The following PROM1 variants were observed in gnomAD, a reference collection of about 807,000 sequenced individuals.
PROM1 encodes prominin 1, also known as prominin-1.
A neutral mutation model predicts 116.9 loss-of-function variants in PROM1; 105 were observed. That is an observed-to-expected ratio of 0.90 (90% CI 0.77 to 1.06). The LOEUF (loss-of-function observed/expected upper bound fraction) is 1.06. PROM1 is among the 50% of genes least tolerant of loss of function. The pLI, the probability that PROM1 is intolerant of heterozygous loss-of-function variation, is 0.00. For missense variants in PROM1, 1,122 were observed against 1,045.2 expected (o/e 1.07, Z -1.01); for synonymous variants, 393 against 387.0 (o/e 1.02, Z -0.18).
In PROM1 at chr4:16,025,123, A is replaced by T. The variant is rs919593994; in HGVS notation, c.630+69T>A. On this transcript the variant is annotated intron_variant, in intron 6 of 27. Coordinates refer to ENST00000447510, the MANE Select transcript of PROM1 (RefSeq NM_006017.3). ...TCTAGAAGGTTTGATTGAGATTCCA[A>T]ATATACACAGGAACTCCAAAAAACC... 4 of 1,518,788 alleles carry T rather than the reference A, an allele frequency of 2.6e-6. No homozygotes were observed. The East Asian group carries it at 6.8e-5, about 26-fold the overall frequency. 94.1% of individuals were successfully genotyped at this position (1,518,788 alleles called of 1,614,324 possible). A position where few individuals can be genotyped will look rare whatever the true frequency, so the allele number is the denominator to read the frequency against.
chr4:16,047,040 C>T (rs887998233), intron 2 of PROM1, among the ~76,000 whole-genome samples: 4 of 152,114 alleles, frequency 2.6e-5, no homozygotes, highest in African/African-American at 9.7e-5. Flanking sequence ...AATTGTGGGA[C>T]CTCGCAAGTC....
chr4:16,039,078 A>C (rs1734592952), intron 2 of PROM1, 77 bp from the exon 3 acceptor site: 9 of 1,209,502 alleles, frequency 7.4e-6, no homozygotes, highest in Non-Finnish European at 6.6e-6. Context: ...AAAGATCTTT[A>C]TATGCTTAAA....
intron 26 of PROM1, among the ~76,000 whole-genome samples, chr4:15,978,664 G>A (rs138046286): frequency 6.6e-6 from 1 of 152,352 alleles, no homozygotes; most frequent in Admixed American, 6.5e-5. Context: ...GGGCTCGGGG[G>A]AGCACTGGCG....
chr4:16,064,709 A>G (rs1213062271), intron 2 of PROM1, among the ~76,000 whole-genome samples: 1 of 152,206 alleles, frequency 6.6e-6, no homozygotes, highest in African/African-American at 2.4e-5. Flanking sequence ...CCTAGCCAAC[A>G]TGGTGAAACC....
At chr4:15,973,916 G>GTC (rs1560371572) in intron 26 of PROM1, among the ~76,000 whole-genome samples, 1 of 152,096 alleles carries the variant, frequency 6.6e-6, no homozygotes, top group African/African-American at 2.4e-5. Context: ...GCCGATGTGG[G>GTC]GACTGCGCAG....
intron 2 of PROM1, among the ~76,000 whole-genome samples, chr4:16,052,226 C>T (rs1738052403): frequency 1.3e-5 from 2 of 152,150 alleles, no homozygotes; most frequent in Non-Finnish European, 2.9e-5. Context: ...GAAGAAGTAC[C>T]CAGCCTTTCC....
chr4:16,018,727 C>A (rs1014682878), intron 8 of PROM1, among the ~76,000 whole-genome samples, 187 bp from the exon 9 acceptor site: 1 of 152,186 alleles, frequency 6.6e-6, no homozygotes, highest in Non-Finnish European at 1.5e-5. Flanking sequence ...GCTGCTCCAA[C>A]TAGCTCCACT....
At chr4:15,982,103 T>G (rs1213031100) in intron 23 of PROM1, among the ~76,000 whole-genome samples, 2 of 152,248 alleles carry the variant, frequency 1.3e-5, no homozygotes, top group Non-Finnish European at 1.5e-5. Context: ...CATCCTACAC[T>G]TGGCCTGCTA....
intron 26 of PROM1, among the ~76,000 whole-genome samples, chr4:15,975,716 C>T (rs1715943800): frequency 6.6e-6 from 1 of 152,204 alleles, no homozygotes; most frequent in Admixed American, 6.5e-5. Context: ...ATTTCCTAAC[C>T]TTCTGCAAAT....
chr4:16,076,159 T>C lies in PROM1; in HGVS notation c.-212-41A>G, dbSNP rs554035493. ...ACAGCAGCAGAGTCATCAATGCGTGTAAACTGCCTGCACCTGGAGCTGCCC... is the reference window on the plus strand; with the variant it reads ...ACAGCAGCAGAGTCATCAATGCGTGCAAACTGCCTGCACCTGGAGCTGCCC... On this transcript the variant is annotated intron_variant, in intron 1 of 27. Coordinates refer to ENST00000447510, the MANE Select transcript of PROM1 (RefSeq NM_006017.3). 9 of 622,702 alleles carry C rather than the reference T, an allele frequency of 1.4e-5. No individual in the cohort carries two copies. The East Asian group carries it at 2.6e-4, about 18-fold the overall frequency. 38.6% of individuals were successfully genotyped at this position (622,702 alleles called of 1,614,324 possible).
intron 24 of PROM1, 72 bp downstream of exon 24, chr4:15,980,350 T>A (rs1223685190): frequency 2.0e-6 from 2 of 986,552 alleles, no homozygotes; most frequent in Non-Finnish European, 3.0e-6. Context: ...TCAGAACTCA[T>A]CTTTAGCAAC....
intron 8 of PROM1, among the ~76,000 whole-genome samples, chr4:16,022,736 G>A (rs1261717655): frequency 6.6e-6 from 1 of 152,116 alleles, no homozygotes; most frequent in Non-Finnish European, 1.5e-5. Context: ...CATTACAGTG[G>A]AGCATGCAGT....
At chr4:16,032,967 C>A (rs1007779409) in intron 5 of PROM1, among the ~76,000 whole-genome samples, 5 of 152,142 alleles carry the variant, frequency 3.3e-5, no homozygotes, top group African/African-American at 9.7e-5. Context: ...TGCTGCCTGC[C>A]TGCAAATAGC....
In PROM1 at chr4:16,060,164, T is replaced by C. The variant is rs370574154; in HGVS notation, c.220+15523A>G. Among the ~76,000 whole-genome samples, 6 of 152,220 alleles carry C rather than the reference T, an allele frequency of 3.9e-5. No homozygotes were observed. In the East Asian group the frequency reaches 7.7e-4, roughly 20 times the overall value. On this transcript the variant is annotated intron_variant, in intron 2 of 27. Coordinates refer to ENST00000447510, the MANE Select transcript of PROM1 (RefSeq NM_006017.3). ...TGGGACTGAAGCTTCACACTGCATA[T>C]TCCTTTGTACTTCTGAATTTTCAGT...
At chr4:15,997,920 C>T (rs548138521) in intron 15 of PROM1, among the ~76,000 whole-genome samples, 127 of 152,292 alleles carry the variant, frequency 8.3e-4, no homozygotes, top group African/African-American at 3.0e-3. Flanking sequence ...TGTGGAATTG[C>T]CCAGGGCACA....
At chr4:16,017,224 T>C in intron 9 of PROM1, among the ~76,000 whole-genome samples, 1 of 152,126 alleles carries the variant, frequency 6.6e-6, no homozygotes, top group East Asian at 1.9e-4. Context: ...ACTGATAAAA[T>C]ATGATAAAGC....
intron 2 of PROM1, among the ~76,000 whole-genome samples, chr4:16,042,711 C>G (rs1735623995): frequency 6.6e-6 from 1 of 152,196 alleles, no homozygotes; most frequent in Admixed American, 6.5e-5. Flanking sequence ...CCTTTAAAAA[C>G]TAGCACTTGC....
rs758323269 is a variant in PROM1 at position 16,027,706 on chromosome 4, T to G, written c.510-2394A>C. On this transcript the variant is annotated intron_variant, in intron 5 of 27. Coordinates refer to ENST00000447510, the MANE Select transcript of PROM1 (RefSeq NM_006017.3). ...TATGTTTAATTTTCCTAAAAAGAGG[T>G]GGAAACTACTTCTTTGTTAACTTTG... Among the ~76,000 whole-genome samples the G allele has an allele frequency of 3.2e-4, 49 of 152,270 alleles. 1 individual carries two copies. Among genetic ancestry groups the G allele is most frequent in the Middle Eastern group, 3.4e-3 (1 of 294 alleles).
intron 2 of PROM1, among the ~76,000 whole-genome samples, chr4:16,040,972 C>T (rs1401124769): frequency 1.3e-5 from 2 of 152,224 alleles, no homozygotes; most frequent in Non-Finnish European, 1.5e-5. Flanking sequence ...CTTCCATCCT[C>T]TCAGGCCACG....
Sources: gnomAD v4.1 joint callset for allele counts (sites outside exome capture counted in the v4.1 genomes callset) on GRCh38, gnomAD v4.1.1 for gene constraint, MANE v1.5 for transcripts, NCBI Gene and HGNC (gene_info 2026-07-23, HGNC 2026-07-21) for gene names.